The following CCDC158 variants were observed in gnomAD, a reference collection of about 807,000 sequenced individuals.
CCDC158 encodes the protein coiled-coil domain-containing protein 158.
A neutral mutation model predicts 138.6 loss-of-function variants in CCDC158; 116 were observed. The observed-to-expected ratio is 0.84, with a 90% CI of 0.72 to 0.98. The LOEUF (loss-of-function observed/expected upper bound fraction) is 0.98. CCDC158 is among the 50% of genes least tolerant of loss of function. CCDC158 has a pLI of 0.00. For missense variants in CCDC158, 1,265 were observed against 1,306.1 expected, an observed-to-expected ratio of 0.97 and a Z score of 0.48; for synonymous variants, 436 against 442.4, an observed-to-expected ratio of 0.99 and a Z score of 0.18.
chr4:76,404,156 C>G (rs1281031347), intron 2 of CCDC158, among the ~76,000 whole-genome samples: 1 of 151,980 alleles, frequency 6.6e-6, no homozygotes, highest in Admixed American at 6.6e-5. Context: ...GAGAGGAACA[C>G]CAAGGAACCA....
intron 16 of CCDC158, chr4:76,352,512 C>T (rs1723148179): frequency 1.3e-5 from 2 of 152,104 alleles, no homozygotes; most frequent in Admixed American, 6.5e-5. Flanking sequence ...GATGAGATCC[C>T]AGATTATTGT....
At chr4:76,413,558 CAG>C (rs1348853336) in intron 1 of CCDC158, among the ~76,000 whole-genome samples, 1 of 151,344 alleles carries the variant, frequency 6.6e-6, no homozygotes. Context: ...TAAAGAGAGA[CAG>C]AGTTTAGTTC....
At chr4:76,352,093 A>G (rs1723099144) in intron 16 of CCDC158, 2 of 232,026 alleles carry the variant, frequency 8.6e-6, no homozygotes, top group Non-Finnish European at 1.7e-5. Flanking sequence ...TTACCAAAGT[A>G]TAAAAATTTA....
At chr4:76,382,257 C>T (rs573011490) in intron 8 of CCDC158, among the ~76,000 whole-genome samples, 5 of 152,200 alleles carry the variant, frequency 3.3e-5, no homozygotes, top group East Asian at 1.9e-4. Context: ...TTTCCTGAGG[C>T]CTCCCACTCA....
At position 76,334,004 on chromosome 4, in the gene CCDC158, C is replaced by A. The variant is rs1348567953; in HGVS notation, c.2822+6G>T. The A allele has an allele frequency of 3.7e-6, 6 of 1,600,134 alleles. No individual in the cohort carries two copies. Among genetic ancestry groups the A allele is most frequent in the Non-Finnish European group, 5.1e-6 (6 of 1,171,532 alleles). On this transcript the variant is annotated splice_donor_region_variant and intron_variant, in intron 19 of 24. Coordinates refer to ENST00000682701, the MANE Select transcript of CCDC158 (RefSeq NM_001394954.1). ...GCTTTCCCATTCTGTGTGCACACAG[C>A]CTTACACAGCCACATACAAGGCTCC...
chr4:76,362,735 C>T (rs1724271789), intron 12 of CCDC158, among the ~76,000 whole-genome samples: 1 of 152,154 alleles, frequency 6.6e-6, no homozygotes, highest in African/African-American at 2.4e-5. Flanking sequence ...TAGGTGAGGG[C>T]CTCTAACCTG....
At chr4:76,391,495 C>A (rs1338865244) in intron 4 of CCDC158, among the ~76,000 whole-genome samples, 1 of 151,550 alleles carries the variant, frequency 6.6e-6, no homozygotes, top group Non-Finnish European at 1.5e-5. Flanking sequence ...AATGGAAACA[C>A]AACATCCCAA....
intron 7 of CCDC158, 78 bp downstream of exon 7, chr4:76,383,584 T>A (rs1726483903): frequency 2.0e-6 from 2 of 998,502 alleles, no homozygotes; most frequent in South Asian, 1.3e-5. Flanking sequence ...CTGTTTAGAT[T>A]TTGGAATTGT....
chr4:76,370,991 AG>A lies in CCDC158; in HGVS notation c.1149+425del, dbSNP rs370612509. Among the ~76,000 whole-genome samples, 667 of 78,180 alleles carry A rather than the reference AG, an allele frequency of 8.5e-3. 3 individuals carry two copies. Among genetic ancestry groups the A allele is most frequent in the Non-Finnish European group, 0.02 (450 of 22,138 alleles). 51.3% of individuals were successfully genotyped at this position (78,180 alleles called of 152,430 possible). On this transcript the variant is annotated intron_variant, in intron 10 of 24. Coordinates refer to ENST00000682701, the MANE Select transcript of CCDC158 (RefSeq NM_001394954.1). ...TTTCTCATCCTATAGTTCCTCTAAC[AG>A]AGGACAGAGTGGCTTCATTATGAGC...
intron 18 of CCDC158, among the ~76,000 whole-genome samples, chr4:76,348,902 A>G (rs1336542627): frequency 6.6e-6 from 1 of 152,208 alleles, no homozygotes; most frequent in Non-Finnish European, 1.5e-5. Flanking sequence ...CAAACTGAGT[A>G]GATAAGGGAT....
intron 13 of CCDC158, among the ~76,000 whole-genome samples, chr4:76,358,033 T>G (rs1723756673): frequency 2.0e-5 from 3 of 152,016 alleles, no homozygotes; most frequent in Non-Finnish European, 1.5e-5. Context: ...ATGTATCTAT[T>G]TATATGATTA....
intron 5 of CCDC158, 27 bp downstream of exon 5, chr4:76,384,529 C>G (rs757572280): frequency 6.3e-6 from 10 of 1,579,186 alleles, no homozygotes; most frequent in Non-Finnish European, 7.8e-6. Flanking sequence ...AAATATGTGA[C>G]TTTAAAATAA....
At chr4:76,341,678 T>C (rs534911506) in intron 18 of CCDC158, among the ~76,000 whole-genome samples, 1 of 152,352 alleles carries the variant, frequency 6.6e-6, no homozygotes, top group African/African-American at 2.4e-5. Flanking sequence ...TATATCAAAC[T>C]ATCAGTTACA....
At chr4:76,358,380 CCTT>C (rs1723789862) in intron 13 of CCDC158, among the ~76,000 whole-genome samples, 1 of 152,216 alleles carries the variant, frequency 6.6e-6, no homozygotes, top group Non-Finnish European at 1.5e-5. Flanking sequence ...CAAAAATCCT[CCTT>C]AACTGCTTGG....
At chr4:76,386,337 A>G (rs1257977840) in intron 4 of CCDC158, among the ~76,000 whole-genome samples, 1 of 152,242 alleles carries the variant, frequency 6.6e-6, no homozygotes, top group Non-Finnish European at 1.5e-5. Context: ...AGGCTGATTC[A>G]CACTTCAGCT....
rs745774601 is a variant in CCDC158, at chr4:76,334,023, A to T, written c.2809T>A (p.Leu937Met). 6 of 1,610,788 alleles carry T rather than the reference A, an allele frequency of 3.7e-6. No homozygotes were observed. Among genetic ancestry groups the T allele is most frequent in the Non-Finnish European group, 5.1e-6 (6 of 1,178,078 alleles). The change falls in exon 19 of 25, where the codon TTG (leucine) becomes ATG (methionine). Residue 937 changes from leucine to methionine, a missense_variant. By Grantham distance (15) the Leu-to-Met change is conservative (BLOSUM62 2). Coordinates refer to ENST00000682701, the MANE Select transcript of CCDC158 (RefSeq NM_001394954.1). ...ACACAGCCTTACACAGCCACATACA[A>T]GGCTCCCAGAGATGTTCTTCCATCT... ...EEDGRTSLGALYVAVEDRVRD... is the reference protein window; with the variant it reads ...EEDGRTSLGAMYVAVEDRVRD...
intron 9 of CCDC158, among the ~76,000 whole-genome samples, chr4:76,375,891 GAA>G (rs1432119162): frequency 1.3e-5 from 2 of 152,068 alleles, no homozygotes; most frequent in Non-Finnish European, 2.9e-5. Flanking sequence ...ATTCTAGTTG[GAA>G]AAGTTTTGTT....
intron 4 of CCDC158, among the ~76,000 whole-genome samples, chr4:76,392,310 G>C (rs1727387653): frequency 2.6e-5 from 4 of 151,890 alleles, no homozygotes; most frequent in Admixed American, 2.6e-4. Flanking sequence ...ATGCAAGGAT[G>C]GTTAAACATA....
intron 1 of CCDC158, among the ~76,000 whole-genome samples, chr4:76,420,286 TCTC>T (rs1462810354): frequency 1.3e-5 from 2 of 152,058 alleles, no homozygotes; most frequent in Non-Finnish European, 2.9e-5. Flanking sequence ...AACGCCTTAA[TCTC>T]CTGCTGAGAG....
Sources: gnomAD v4.1 joint callset for allele counts (sites outside exome capture counted in the v4.1 genomes callset) on GRCh38, gnomAD v4.1.1 for gene constraint, MANE v1.5 for transcripts, NCBI Gene and HGNC (gene_info 2026-07-23, HGNC 2026-07-21) for gene names.